The following SHANK2 variants were observed in gnomAD, a reference collection of about 807,000 sequenced individuals.
The protein encoded by SHANK2 is SH3 and multiple ankyrin repeat domains protein 2.
SHANK2 carries 43 observed loss-of-function variants against 133.7 expected under a neutral mutation model. That is an observed-to-expected ratio of 0.32 (90% CI 0.25 to 0.41). The LOEUF is 0.41. Among genes scored for constraint, SHANK2 ranks in the 10% least tolerant of loss-of-function variants. The probability of loss-of-function intolerance (pLI) is 1.00; values close to 1 mark genes in which losing one functional copy is unlikely to be tolerated. For synonymous variants in SHANK2, 1,017 were observed against 952.8 expected, an observed-to-expected ratio of 1.07 and a Z score of -1.24; for missense variants, 1,994 against 2,235.8, an observed-to-expected ratio of 0.89 and a Z score of 2.18.
chr11:71,134,069 G>C (rs1430516467), intron 3 of SHANK2, among the ~76,000 whole-genome samples: 2 of 151,848 alleles, frequency 1.3e-5, no homozygotes, highest in African/African-American at 4.8e-5. Context: ...ACCTTTCTCG[G>C]TGGACTGGGT....
chr11:71,156,312 A>G lies in SHANK2; in HGVS notation c.-12-8974T>C, dbSNP rs140386200. ...TTCTGAAAAGAACCTCCATCTATCC[A>G]GGTTTCCTGGGATTTCCCTAATCAC... is the stretch of plus-strand genomic sequence containing the variant. On this transcript the variant is annotated intron_variant, in intron 2 of 25. Coordinates refer to ENST00000601538, the MANE Select transcript of SHANK2 (RefSeq NM_012309.5). 4.9e-3 allele frequency among the ~76,000 whole-genome samples: 749 copies of G among 152,346 alleles called. 7 individuals are homozygous for G. Among genetic ancestry groups the G allele is most frequent in the African/African-American group, 0.016 (670 of 41,572 alleles).
At chr11:70,736,854 C>T (rs1946416077) in intron 14 of SHANK2, among the ~76,000 whole-genome samples, 1 of 152,184 alleles carries the variant, frequency 6.6e-6, no homozygotes, top group Non-Finnish European at 1.5e-5. Context: ...GTGGCTTCTC[C>T]AGAACCAAAC....
chr11:71,097,343 A>G (rs55656100), intron 6 of SHANK2, among the ~76,000 whole-genome samples: 5,813 of 152,184 alleles, frequency 0.038, 191 homozygotes, highest in African/African-American at 0.091. Flanking sequence ...ATATAACAGC[A>G]CTGCCCGGGA....
rs1221029689 is a variant in SHANK2, at chr11:71,068,039, GCCATCACAACCATCATCA to G, written c.1029+7102_1029+7119del. Among the ~76,000 whole-genome samples the G allele has an allele frequency of 3.5e-4, 53 of 150,184 alleles. 1 individual carries two copies. The South Asian group carries it at 0.011, about 31-fold the overall frequency. On this transcript the variant is annotated intron_variant, in intron 9 of 25. Coordinates refer to ENST00000601538, the MANE Select transcript of SHANK2 (RefSeq NM_012309.5). Reference sequence around the variant, plus strand: ...CATCACTAGCATCATCGCCACCATCGCCATCACAACCATCATCACCATCACAACCATCACCATCACCAC... The same window carrying G: ...CATCACTAGCATCATCGCCACCATCGCCATCACAACCATCACCATCACCAC...
At chr11:71,241,721 G>A (rs1424677867) in intron 1 of SHANK2, among the ~76,000 whole-genome samples, 1 of 152,186 alleles carries the variant, frequency 6.6e-6, no homozygotes, top group Non-Finnish European at 1.5e-5. Flanking sequence ...ATGGGAAGGA[G>A]TCATGTCCCA....
chr11:71,096,356 C>A (rs1197155770), intron 6 of SHANK2, among the ~76,000 whole-genome samples: 3 of 152,204 alleles, frequency 2.0e-5, no homozygotes, highest in Non-Finnish European at 4.4e-5. Flanking sequence ...CCAGTTGGAA[C>A]ATGGCCAGAG....
chr11:71,080,052 A>G (rs948202898), intron 8 of SHANK2, among the ~76,000 whole-genome samples: 21,140 of 152,114 alleles, frequency 0.14, 1,560 homozygotes, highest in Non-Finnish European at 0.16. Flanking sequence ...CAAGAGAAGC[A>G]ACACTAACCT....
intron 12 of SHANK2, among the ~76,000 whole-genome samples, chr11:70,817,019 G>A (rs782711229): frequency 3.9e-5 from 6 of 152,226 alleles, no homozygotes; most frequent in African/African-American, 1.2e-4. Flanking sequence ...GCCTCTCACC[G>A]TGCAAAGACA....
At chr11:71,187,643 G>C (rs546600867) in intron 2 of SHANK2, among the ~76,000 whole-genome samples, 1 of 152,276 alleles carries the variant, frequency 6.6e-6, no homozygotes, top group East Asian at 1.9e-4. Flanking sequence ...GGGTTTTCAT[G>C]TCAGGAATGT....
Position 71,141,797 on chromosome 11 carries a change from T to C in SHANK2, c.207+5323A>G, listed in dbSNP as rs34631959. Reference sequence around the variant, plus strand: ...CAGATGGCCAAATCTAACTTCATGATGGAGCCAAACGGAATTCACCCATGC... The same window carrying C: ...CAGATGGCCAAATCTAACTTCATGACGGAGCCAAACGGAATTCACCCATGC... On this transcript the variant is annotated intron_variant, in intron 3 of 25. Transcript: ENST00000601538. 5.1e-3 allele frequency among the ~76,000 whole-genome samples: 780 copies of C among 152,070 alleles called. 4 individuals carry two copies. Among genetic ancestry groups the C allele is most frequent in the Middle Eastern group, 0.014 (4 of 294 alleles).
chr11:70,731,310 T>C (rs1555032138), intron 14 of SHANK2, among the ~76,000 whole-genome samples: 1 of 152,190 alleles, frequency 6.6e-6, no homozygotes, highest in East Asian at 1.9e-4. Flanking sequence ...GGCCTATGAC[T>C]TCCAGCCTCC....
In SHANK2 at chr11:71,113,230, A is replaced by T. The variant is rs1047032593; in HGVS notation, c.483+63T>A. 7 of 1,412,096 alleles carry T rather than the reference A, an allele frequency of 5.0e-6. No individual in the cohort carries two copies. The South Asian group carries it at 8.6e-5, about 17-fold the overall frequency. The allele number at this position is 1,412,096 out of a possible 1,614,324, so 87.5% of individuals were successfully genotyped here. On this transcript the variant is annotated intron_variant, in intron 5 of 25. Transcript: ENST00000601538. ...GAAGAGGAGCGTCTAAAGATAACAC[A>T]ACAAGATAACAAGGAGGACGCCGCC...
chr11:70,568,653 C>CCCCCCG (rs782418370), intron 17 of SHANK2, among the ~76,000 whole-genome samples: 1 of 129,998 alleles, frequency 7.7e-6, no homozygotes. Context: ...CCTGCCCCCC[C>CCCCCCG]CGCCCACTTC....
chr11:70,873,931 C>T (rs543091142), intron 11 of SHANK2, among the ~76,000 whole-genome samples: 4 of 152,288 alleles, frequency 2.6e-5, no homozygotes, highest in South Asian at 4.1e-4. Flanking sequence ...GACAGGAACA[C>T]GTGTCATCAG....
At chr11:70,822,296 A>G (rs1405141411) in intron 11 of SHANK2, among the ~76,000 whole-genome samples, 1 of 152,268 alleles carries the variant, frequency 6.6e-6, no homozygotes, top group African/African-American at 2.4e-5. Flanking sequence ...GCAAGGCAAG[A>G]GAAAACACGT....
intron 1 of SHANK2, among the ~76,000 whole-genome samples, chr11:71,247,718 G>A (rs1035316646): frequency 6.6e-6 from 1 of 152,160 alleles, no homozygotes; most frequent in African/African-American, 2.4e-5. Flanking sequence ...TTTCTGGGAC[G>A]GGGAGCCAGG....
chr11:70,861,977 A>C (rs1949265819), intron 11 of SHANK2, among the ~76,000 whole-genome samples: 1 of 152,018 alleles, frequency 6.6e-6, no homozygotes, highest in South Asian at 2.1e-4. Context: ...TGCAGAGAGC[A>C]GGGGGCAGGG....
At chr11:70,862,845 G>C in intron 11 of SHANK2, 1 of 274,470 alleles carries the variant, frequency 3.6e-6, no homozygotes, top group Non-Finnish European at 7.1e-6. Flanking sequence ...GCAGGACACA[G>C]TCTAGAGTCT....
chr11:70,809,151 A>C (rs1432110967), intron 12 of SHANK2, among the ~76,000 whole-genome samples: 1 of 152,204 alleles, frequency 6.6e-6, no homozygotes, highest in East Asian at 1.9e-4. Context: ...GAAATTCAGG[A>C]CGGCCCTCCC....
Sources: allele counts gnomAD v4.1 joint callset (sites outside exome capture counted in the v4.1 genomes callset), GRCh38; gene constraint gnomAD v4.1.1; transcripts MANE v1.5; gene names NCBI Gene and HGNC (gene_info 2026-07-23, HGNC 2026-07-21).